The following SRGAP2 variants were observed in gnomAD, a reference collection of about 807,000 sequenced individuals.
SRGAP2 encodes the protein SLIT-ROBO Rho GTPase activating protein 2.
In SRGAP2, 15 loss-of-function variants were observed where a neutral mutation model predicts 57.2. The observed-to-expected ratio is 0.26, with a 90% confidence interval of 0.18 to 0.40. The LOEUF (loss-of-function observed/expected upper bound fraction) is 0.40, where lower values mean the gene tolerates loss of function less well. Among genes scored for constraint, SRGAP2 ranks in the 10% least tolerant of loss-of-function variants. SRGAP2 has a pLI of 1.00. For synonymous variants in SRGAP2, 249 were observed against 248.0 expected, an observed-to-expected ratio of 1.00 and a Z score of -0.04; for missense variants, 520 against 669.6, an observed-to-expected ratio of 0.78 and a Z score of 2.47.
At chr1:206,402,870 GCTA>G (rs1236148013) in intron 8 of SRGAP2, among the ~76,000 whole-genome samples, 1 of 139,936 alleles carries the variant, frequency 7.1e-6, no homozygotes, top group African/African-American at 2.7e-5. Flanking sequence ...TTAGACCAAA[GCTA>G]CCAAAAAAAG....
At chr1:206,353,424 A>G (rs2102962346) in intron 4 of SRGAP2, among the ~76,000 whole-genome samples, 1 of 152,138 alleles carries the variant, frequency 6.6e-6, no homozygotes, top group East Asian at 1.9e-4. Context: ...AGGTGGGTGG[A>G]TCACTTGAGG....
chr1:206,380,462 A>G (rs1655595729), intron 4 of SRGAP2, among the ~76,000 whole-genome samples: 3 of 147,270 alleles, frequency 2.0e-5, no homozygotes, highest in South Asian at 2.1e-4. Context: ...CCACATCTCT[A>G]TTCTAAATTT....
chr1:206,391,636 C>A (rs1377708987), intron 5 of SRGAP2, among the ~76,000 whole-genome samples: 2 of 141,356 alleles, frequency 1.4e-5, no homozygotes, highest in African/African-American at 5.8e-5. Flanking sequence ...CACACACACA[C>A]ACACATGCAC....
At chr1:206,259,701 G>A (rs1669428327) in intron 2 of SRGAP2, among the ~76,000 whole-genome samples, 1 of 151,776 alleles carries the variant, frequency 6.6e-6, no homozygotes, top group Non-Finnish European at 1.5e-5. Flanking sequence ...GTTAGAGCAA[G>A]AACTCTCTGA....
At chr1:206,377,088 T>C (rs1314728151) in intron 4 of SRGAP2, among the ~76,000 whole-genome samples, 1 of 152,212 alleles carries the variant, frequency 6.6e-6, no homozygotes, top group East Asian at 1.9e-4. Flanking sequence ...TTAGATGGTT[T>C]CATATTGTAG....
intron 3 of SRGAP2, among the ~76,000 whole-genome samples, chr1:206,309,382 G>A (rs1339582403): frequency 1.3e-4 from 20 of 151,512 alleles, no homozygotes; most frequent in Admixed American, 3.3e-4. Flanking sequence ...GGGTCCTCTG[G>A]GTTCTTAGGT....
intron 2 of SRGAP2, among the ~76,000 whole-genome samples, chr1:206,257,729 G>A (rs1553312728): frequency 9.0e-6 from 1 of 111,614 alleles, no homozygotes; most frequent in African/African-American, 3.2e-5. Context: ...TGGTAGGAAA[G>A]CAGACTATAT....
chr1:206,353,979 T>TG (rs1676241939), intron 4 of SRGAP2, among the ~76,000 whole-genome samples: 1 of 151,766 alleles, frequency 6.6e-6, no homozygotes, highest in Non-Finnish European at 1.5e-5. Context: ...TTTTTAGAGA[T>TG]GGGGTCTCGC....
chr1:206,444,817 G>A (rs909540517), intron 17 of SRGAP2, among the ~76,000 whole-genome samples: 10 of 152,186 alleles, frequency 6.6e-5, no homozygotes, highest in Non-Finnish European at 1.5e-4. Context: ...AACCTCCCCC[G>A]TTGCTGGCCT....
intron 2 of SRGAP2, among the ~76,000 whole-genome samples, chr1:206,286,526 G>A (rs1474477979): frequency 1.3e-5 from 2 of 148,436 alleles, no homozygotes; most frequent in African/African-American, 2.5e-5. Context: ...CTGTGGCATC[G>A]GGGATCAGCA....
chr1:206,421,725 G>A (rs538867995), intron 13 of SRGAP2, among the ~76,000 whole-genome samples: 1 of 152,280 alleles, frequency 6.6e-6, no homozygotes, highest in East Asian at 1.9e-4. Flanking sequence ...GGACTCCTAA[G>A]ACATGCTAAC....
chr1:206,292,953 G>A (rs1229947120), intron 2 of SRGAP2, among the ~76,000 whole-genome samples: 1 of 151,612 alleles, frequency 6.6e-6, no homozygotes, highest in Non-Finnish European at 1.5e-5. Flanking sequence ...ACGAATAGGT[G>A]CTTGGTCCCT....
intron 2 of SRGAP2, among the ~76,000 whole-genome samples, chr1:206,255,320 T>G (rs61815477): frequency 6.8e-6 from 1 of 147,268 alleles, no homozygotes; most frequent in African/African-American, 2.5e-5. Flanking sequence ...TTTGACACAG[T>G]GTGTACCTGG....
intron 10 of SRGAP2, among the ~76,000 whole-genome samples, chr1:206,413,136 G>A (rs1343209290): frequency 2.0e-5 from 3 of 152,230 alleles, no homozygotes; most frequent in Non-Finnish European, 4.4e-5. Context: ...GTGAGAGGAA[G>A]GAATTTGTAT....
At chr1:206,309,289 G>T (rs553133570) in intron 3 of SRGAP2, among the ~76,000 whole-genome samples, 128 of 151,776 alleles carry the variant, frequency 8.4e-4, no homozygotes, top group Non-Finnish European at 1.4e-3. Flanking sequence ...GGAAAATAAG[G>T]TTAAATAAGT....
intron 2 of SRGAP2, among the ~76,000 whole-genome samples, chr1:206,266,097 ACT>A (rs1242354325): frequency 4.0e-5 from 6 of 149,154 alleles, no homozygotes; most frequent in African/African-American, 9.9e-5. Context: ...AGGTTATGTG[ACT>A]CTTCAGAGTC....
At chr1:206,371,325 A>C (rs1654527711) in intron 4 of SRGAP2, among the ~76,000 whole-genome samples, 2 of 150,900 alleles carry the variant, frequency 1.3e-5, no homozygotes, top group Admixed American at 6.6e-5. Flanking sequence ...TATCGCCAGC[A>C]GACTTGCACT....
intron 10 of SRGAP2, among the ~76,000 whole-genome samples, chr1:206,414,694 T>G (rs782733908): frequency 2.6e-5 from 4 of 152,106 alleles, no homozygotes; most frequent in Non-Finnish European, 5.9e-5. Context: ...GGCCTTAGAT[T>G]GGGCCTGACA....
Position 206,461,020 on chromosome 1 carries a change from T to C in SRGAP2, c.2833-17T>C, listed in dbSNP as rs1664222790. The stretch of plus-strand genomic sequence containing the variant: ...TCCCCTCATTTGCCTCACCTCCTCC[T>C]TTTTCCTGTTTTGCAGGATATTGAG... On this transcript the variant is annotated splice_polypyrimidine_tract_variant and intron_variant, in intron 22 of 22. Coordinates refer to ENST00000573034, the MANE Select transcript of SRGAP2 (RefSeq NM_015326.5). The C allele has an allele frequency of 1.5e-6, 1 of 676,580 alleles. No individual in the cohort carries two copies. The allele number at this position is 676,580 out of a possible 1,614,324, so 41.9% of individuals were successfully genotyped here.
Sources: gnomAD v4.1 joint callset for allele counts (sites outside exome capture counted in the v4.1 genomes callset) on GRCh38, gnomAD v4.1.1 for gene constraint, MANE v1.5 for transcripts, NCBI Gene and HGNC (gene_info 2026-07-23, HGNC 2026-07-21) for gene names.